The following MFSD11 variants were observed in gnomAD, a reference collection of about 807,000 sequenced individuals.
MFSD11 encodes major facilitator superfamily domain containing 11, also known as UNC93-like protein MFSD11.
Under a neutral mutation model 53.5 loss-of-function variants are expected in MFSD11, and 36 were observed. That is an observed-to-expected ratio of 0.67 (90% CI 0.52 to 0.89). MFSD11 has a LOEUF of 0.89. Ranked by LOEUF, MFSD11 falls within the 40% of genes least tolerant of loss-of-function variation. The pLI, the probability that MFSD11 is intolerant of heterozygous loss-of-function variation, is 0.00. For synonymous variants in MFSD11, 186 were observed against 184.9 expected, an observed-to-expected ratio of 1.01 and a Z score of -0.05; for missense variants, 530 against 543.9, an observed-to-expected ratio of 0.97 and a Z score of 0.25.
intron 7 of MFSD11, among the ~76,000 whole-genome samples, chr17:76,751,637 C>T (rs1368740174): frequency 2.0e-5 from 3 of 150,398 alleles, no homozygotes; most frequent in African/African-American, 7.4e-5. Flanking sequence ...GAGGTCAAGG[C>T]TACACTGAGC....
chr17:76,755,177 A>G (rs1333712309), intron 8 of MFSD11, among the ~76,000 whole-genome samples: 2 of 151,890 alleles, frequency 1.3e-5, no homozygotes, highest in East Asian at 3.9e-4. Context: ...ATATCACGCC[A>G]CTGCACTCCA....
the MFSD11 span, among the ~76,000 whole-genome samples, chr17:76,787,175 G>A: frequency 1.5e-5 from 2 of 135,132 alleles, no homozygotes; most frequent in East Asian, 4.3e-4. Flanking sequence ...CGCTCTTGTC[G>A]CCCAGGCTGG....
rs776197732 is a variant in MFSD11 at position 76,769,828 on chromosome 17, T to C, written c.831T>C (p.Leu277=). 4 of 1,612,664 alleles carry C rather than the reference T, an allele frequency of 2.5e-6. No individual in the cohort carries two copies. The highest frequency in any genetic ancestry group is 2.7e-5 in the African/African-American group (2 of 74,822). Residue 277 remains leucine (L), a synonymous_variant, in exon 10 of 13, where the codon CTT becomes CTC. Coordinates refer to ENST00000685175, the MANE Select transcript of MFSD11 (RefSeq NM_001242532.5). ...TNKFGAEEKS[L]IGLSGIFIGI... The stretch of plus-strand genomic sequence containing the variant: ...AATTTGGAGCAGAAGAGAAAAGCCT[T>C]ATTGGACTTTCTGGCATTTTCATCG...
At chr17:76,737,283 C>T (rs9902379), upstream of MFSD11, 15,957 of 1,331,304 alleles carry the variant, frequency 0.012, 1,099 homozygotes, top group African/African-American at 0.17. Flanking sequence ...GGCCTTGCCG[C>T]AGAACAGCAC....
intron 3 of MFSD11, 42 bp downstream of exon 3, chr17:76,741,106 TC>T (rs2078042915): frequency 3.5e-6 from 4 of 1,131,476 alleles, no homozygotes; most frequent in Non-Finnish European, 4.0e-6. Context: ...AGAACACTTG[TC>T]AGGATCTTTC....
Position 76,754,053 on chromosome 17 carries a change from C to G in MFSD11, c.648C>G (p.Ala216=). The G allele has an allele frequency of 6.2e-7, 1 of 1,612,206 alleles. No individual in the cohort carries two copies. The highest frequency in any genetic ancestry group is 8.5e-7 in the Non-Finnish European group (1 of 1,178,744). The change falls in exon 8 of 13, where the codon GCC becomes GCG. Residue 216 remains alanine (A), a synonymous_variant. Coordinates refer to ENST00000685175, the MANE Select transcript of MFSD11 (RefSeq NM_001242532.5). The part of the protein sequence containing the change: ...DDQDMEVNES[A]QNNLTKAVDA... ...TTACATTTTATTTTCTCAGGTCTGC[C>G]CAGAACAATCTGACAAAGGCAGTAG... is the stretch of plus-strand genomic sequence containing the variant.
At chr17:76,785,763 A>T (rs114302209), downstream of MFSD11, among the ~76,000 whole-genome samples, 355 of 152,072 alleles carry the variant, frequency 2.3e-3, 2 homozygotes, top group African/African-American at 8.2e-3. Context: ...AATGGTTAAG[A>T]TGGTAAATTT....
the MFSD11 span, among the ~76,000 whole-genome samples, chr17:76,802,801 G>A: frequency 1.3e-5 from 2 of 152,082 alleles, no homozygotes; most frequent in African/African-American, 2.4e-5. Context: ...TTGCAAAGGA[G>A]TTCCACTCCT....
At chr17:76,773,667 G>A (rs2081563056) in intron 10 of MFSD11, among the ~76,000 whole-genome samples, 1 of 152,082 alleles carries the variant, frequency 6.6e-6, no homozygotes. Context: ...GAGTGCAGTG[G>A]CGCAATCTTG....
chr17:76,751,477 G>T (rs373340798), intron 7 of MFSD11, among the ~76,000 whole-genome samples: 14 of 151,924 alleles, frequency 9.2e-5, no homozygotes, highest in African/African-American at 3.1e-4. Context: ...GAGGATCACT[G>T]AGCCCAGAGT....
At chr17:76,768,324 A>AT (rs1310873428) in intron 9 of MFSD11, among the ~76,000 whole-genome samples, 5 of 151,554 alleles carry the variant, frequency 3.3e-5, no homozygotes, top group African/African-American at 4.8e-5. Flanking sequence ...AAAAAAAAAA[A>AT]GTCATTTCTA....
At chr17:76,771,833 G>A (rs938689503) in intron 10 of MFSD11, among the ~76,000 whole-genome samples, 1 of 152,188 alleles carries the variant, frequency 6.6e-6, no homozygotes, top group Non-Finnish European at 1.5e-5. Context: ...TGGGGTTTGA[G>A]GAAATCTGCT....
At chr17:76,795,868 T>C in the MFSD11 span, among the ~76,000 whole-genome samples, 2 of 150,494 alleles carry the variant, frequency 1.3e-5, no homozygotes, top group Non-Finnish European at 3.0e-5. Flanking sequence ...GGTTTCACCA[T>C]GTTGGCCAGG....
the MFSD11 span, among the ~76,000 whole-genome samples, chr17:76,802,598 G>A: frequency 6.6e-6 from 1 of 152,142 alleles, no homozygotes; most frequent in East Asian, 1.9e-4. Context: ...TACAGTGGAG[G>A]GCTGGGCACA....
At chr17:76,756,190 T>C (rs1190533465) in intron 8 of MFSD11, among the ~76,000 whole-genome samples, 1 of 150,032 alleles carries the variant, frequency 6.7e-6, no homozygotes, top group Non-Finnish European at 1.5e-5. Flanking sequence ...TGGCACCATC[T>C]TGGCTCACTG....
At chr17:76,795,810 C>A in the MFSD11 span, among the ~76,000 whole-genome samples, 1 of 149,948 alleles carries the variant, frequency 6.7e-6, no homozygotes, top group African/African-American at 2.5e-5. Context: ...CCCGCCACCA[C>A]GCCCGGCTAA....
chr17:76,796,712 C>A, the MFSD11 span, among the ~76,000 whole-genome samples: 1 of 151,534 alleles, frequency 6.6e-6, no homozygotes, highest in Non-Finnish European at 1.5e-5. Flanking sequence ...GTGGCTCATG[C>A]CTGTAATCCC....
chr17:76,753,910 G>A (rs993308174), intron 7 of MFSD11, 137 bp from the exon 8 acceptor site: 6 of 645,912 alleles, frequency 9.3e-6, no homozygotes, highest in Non-Finnish European at 1.0e-5. Flanking sequence ...GAGGCAAGGA[G>A]CATTCGAGTC....
chr17:76,737,465 A>G, upstream of MFSD11: 1 of 358,824 alleles, frequency 2.8e-6, no homozygotes, highest in East Asian at 4.3e-5. Context: ...CCCCGCCCCT[A>G]CCCGAAGCGC....
Sources: gnomAD v4.1 joint callset for allele counts (sites outside exome capture counted in the v4.1 genomes callset) on GRCh38, gnomAD v4.1.1 for gene constraint, MANE v1.5 for transcripts, NCBI Gene and HGNC (gene_info 2026-07-23, HGNC 2026-07-21) for gene names.